Variants in AMMECR1 observed in about 807,000 individuals in gnomAD.
The protein encoded by AMMECR1 is nuclear protein AMMECR1.
Under a neutral mutation model 22.5 loss-of-function variants are expected in AMMECR1, and 3 were observed. The ratio of observed to expected loss-of-function variants is 0.13; its 90% confidence interval spans 0.06 to 0.35. AMMECR1 has a LOEUF of 0.35. Among genes scored for constraint, AMMECR1 ranks in the 10% least tolerant of loss-of-function variants. AMMECR1 has a pLI of 1.00. For synonymous variants in AMMECR1, 130 were observed against 116.7 expected (o/e 1.11, Z -0.74); for missense variants, 235 against 278.7 (o/e 0.84, Z 1.12).
At chrX:110,335,666 C>T (rs1302115066) in intron 2 of AMMECR1, among the ~76,000 whole-genome samples, 1 of 111,775 alleles carries the variant, frequency 8.9e-6, no homozygotes, top group Admixed American at 9.5e-5. Context: ...TCCACTTTAC[C>T]TTAGTTGGAT....
At position 110,306,462 on chromosome X, in the gene AMMECR1, TA is replaced by T. The variant is rs202070410; in HGVS notation, c.473+11136del. The stretch of plus-strand genomic sequence containing the variant: ...GCACCTCTGGTACTTTTATTTTTTT[TA>T]TTTTTTATTTTTGAGACGGAGTTTC... On this transcript the variant is annotated intron_variant, in intron 1 of 5. Coordinates refer to ENST00000262844, the MANE Select transcript of AMMECR1 (RefSeq NM_015365.3). Among the ~76,000 whole-genome samples, 630 of 111,016 alleles carry T rather than the reference TA, an allele frequency of 5.7e-3. 5 individuals carry two copies. Among genetic ancestry groups the T allele is most frequent in the Admixed American group, 0.01 (106 of 10,503 alleles).
chrX:110,320,540 C>A (rs1255343671), upstream of AMMECR1, among the ~76,000 whole-genome samples: 2 of 111,720 alleles, frequency 1.8e-5, no homozygotes, highest in African/African-American at 3.3e-5. Flanking sequence ...AGAATTTGGC[C>A]AGTAGACAAG....
intron 2 of AMMECR1, among the ~76,000 whole-genome samples, chrX:110,248,107 T>A (rs2067668465): frequency 8.9e-6 from 1 of 111,879 alleles, no homozygotes; most frequent in Admixed American, 9.5e-5. Context: ...AATCTGAGGC[T>A]GGCCGTGGTG....
At position 110,390,973 on chromosome X, in the gene AMMECR1, G is replaced by A. The variant is rs1369204498; in HGVS notation, c.-148+35685C>T. Among the ~76,000 whole-genome samples the A allele has an allele frequency of 4.5e-5, 5 of 111,647 alleles. No individual in the cohort carries two copies. In the East Asian group the frequency reaches 1.1e-3, roughly 25 times the overall value. On this transcript the variant is annotated intron_variant, in intron 2 of 7. Coordinates refer to the AMMECR1 transcript ENST00000372057. ...GTCATCTGGAACATGGTTATTCAGC[G>A]TAGCTTCATCTTCAAAAGGTGCCTG...
intron 2 of AMMECR1, among the ~76,000 whole-genome samples, chrX:110,334,113 T>C (rs1338420943): frequency 8.9e-6 from 1 of 112,040 alleles, no homozygotes; most frequent in East Asian, 2.8e-4. Flanking sequence ...TATCACTCTG[T>C]TGGTATTCTT....
intron 1 of AMMECR1, among the ~76,000 whole-genome samples, chrX:110,437,804 C>T (rs951046051): frequency 9.0e-6 from 1 of 110,886 alleles, no homozygotes; most frequent in African/African-American, 3.3e-5. Flanking sequence ...ATTGAGGGGG[C>T]AGCAGATTGT....
chrX:110,282,298 G>A (rs2067856587), intron 1 of AMMECR1, among the ~76,000 whole-genome samples: 1 of 110,477 alleles, frequency 9.1e-6, no homozygotes, highest in Non-Finnish European at 1.9e-5. Flanking sequence ...TTGGATAAAA[G>A]TGCTGGAATA....
At chrX:110,400,479 G>A (rs2068556866) in intron 2 of AMMECR1, among the ~76,000 whole-genome samples, 1 of 109,894 alleles carries the variant, frequency 9.1e-6, no homozygotes, top group African/African-American at 3.3e-5. Context: ...CAGAAGTGTC[G>A]CTCAGTAATA....
chrX:110,379,305 G>C (rs915490895), intron 2 of AMMECR1, among the ~76,000 whole-genome samples: 1 of 112,044 alleles, frequency 8.9e-6, no homozygotes, highest in Non-Finnish European at 1.9e-5. Flanking sequence ...AAGAGGGACA[G>C]AGAAAAATGA....
At position 110,264,512 on chromosome X, in the gene AMMECR1, T is replaced by C; in HGVS notation, c.561A>G (p.Gly187=). The C allele has an allele frequency of 8.3e-7, 1 of 1,204,776 alleles. No individual in the cohort carries two copies. Among genetic ancestry groups the C allele is most frequent in the African/African-American group, 1.7e-5 (1 of 57,458 alleles). ...ACCTGGTAAGTGTGTACTCCCTGAG[T>C]CCTGAATGCAAATTCATGGCAGAAA... ...GTFSAMNLHS[G]LREYTLTSAL... Residue 187 remains glycine (G), a synonymous_variant, in exon 2 of 6, where the codon GGA becomes GGG. Coordinates refer to ENST00000262844, the MANE Select transcript of AMMECR1 (RefSeq NM_015365.3).
At chrX:110,245,148 A>AT (rs2148188684) in intron 2 of AMMECR1, among the ~76,000 whole-genome samples, 1 of 112,076 alleles carries the variant, frequency 8.9e-6, no homozygotes, top group East Asian at 2.8e-4. Flanking sequence ...CTGCAGCTGG[A>AT]TTTGGATCTT....
chrX:110,432,561 A>T (rs1179157526), intron 1 of AMMECR1, among the ~76,000 whole-genome samples: 1 of 111,499 alleles, frequency 9.0e-6, no homozygotes, highest in Non-Finnish European at 1.9e-5. Flanking sequence ...TGAGCGTGGC[A>T]CCTCATTGCT....
At chrX:110,274,181 T>C (rs751956456) in intron 1 of AMMECR1, among the ~76,000 whole-genome samples, 1 of 111,771 alleles carries the variant, frequency 8.9e-6, no homozygotes, top group East Asian at 2.8e-4. Flanking sequence ...GTAGGTCTCC[T>C]TATAGAGATC....
intron 2 of AMMECR1, among the ~76,000 whole-genome samples, chrX:110,345,277 T>A (rs1049911771): frequency 9.2e-6 from 1 of 108,238 alleles, no homozygotes; most frequent in African/African-American, 3.5e-5. Context: ...TTCTCACTCA[T>A]AGGTGGGAAT....
In AMMECR1 at chrX:110,291,384, G is replaced by A. The variant is rs750193838; in HGVS notation, c.473+26215C>T. Among the ~76,000 whole-genome samples, 223 of 110,739 alleles carry A rather than the reference G, an allele frequency of 2.0e-3. 2 individuals carry two copies. The highest frequency in any genetic ancestry group is 7.0e-3 in the African/African-American group (214 of 30,405). On this transcript the variant is annotated intron_variant, in intron 1 of 5. Coordinates refer to ENST00000262844, the MANE Select transcript of AMMECR1 (RefSeq NM_015365.3). Reference sequence around the variant, plus strand: ...GTAAAAGTATTTTAAAAAATTAGCCGGCGTGGTGGTGCGCACCTGTAGTCC... The same window carrying A: ...GTAAAAGTATTTTAAAAAATTAGCCAGCGTGGTGGTGCGCACCTGTAGTCC...
chrX:110,272,088 C>T (rs1053312029), intron 1 of AMMECR1, among the ~76,000 whole-genome samples: 1 of 109,588 alleles, frequency 9.1e-6, no homozygotes, highest in African/African-American at 3.3e-5. Context: ...TAGTGGTGGG[C>T]GCCTGTAGTC....
In AMMECR1 at chrX:110,194,735, G is replaced by A. The variant is rs1356804731; in HGVS notation, c.*3785C>T. The A allele has an allele frequency of 4.5e-5, 5 of 112,171 alleles. No individual in the cohort carries two copies. The East Asian group carries it at 1.1e-3, about 25-fold the overall frequency. The allele number at this position is 112,171 out of a possible 1,213,427, so 9.2% of individuals were successfully genotyped here. A position where few individuals can be genotyped will look rare whatever the true frequency, so the allele number is the denominator to read the frequency against. ...TGTACCAGCGCAGTTACTGGGTAGA[G>A]CAAAATAAAAGGTTCATTTTCTTCT... is the stretch of plus-strand genomic sequence containing the variant. On this transcript the variant is annotated 3_prime_UTR_variant, in exon 6 of 6. Coordinates refer to ENST00000262844, the MANE Select transcript of AMMECR1 (RefSeq NM_015365.3).
At chrX:110,211,970 A>G (rs2067449997) in intron 3 of AMMECR1, among the ~76,000 whole-genome samples, 1 of 112,126 alleles carries the variant, frequency 8.9e-6, no homozygotes, top group Non-Finnish European at 1.9e-5. Flanking sequence ...AATAGAACAT[A>G]TGGAAGCATT....
rs1028527613 is a variant in AMMECR1, at chrX:110,401,462, T to C, written c.-148+25196A>G. 2.7e-5 allele frequency among the ~76,000 whole-genome samples: 3 copies of C among 111,884 alleles called. No individual in the cohort carries two copies. The East Asian group carries it at 8.4e-4, about 31-fold the overall frequency. Reference sequence around the variant, plus strand: ...TGGTTTGTGTTTTCTGAAGGTAAACTGCCTTAACCTAACCTTTTCCAGAGC... The same window carrying C: ...TGGTTTGTGTTTTCTGAAGGTAAACCGCCTTAACCTAACCTTTTCCAGAGC... On this transcript the variant is annotated intron_variant, in intron 2 of 7. Coordinates refer to the AMMECR1 transcript ENST00000372057.
Sources: allele counts gnomAD v4.1 joint callset (sites outside exome capture counted in the v4.1 genomes callset), GRCh38; gene constraint gnomAD v4.1.1; transcripts MANE v1.5; gene names NCBI Gene and HGNC (gene_info 2026-07-23, HGNC 2026-07-21).